TTLL5: variants seen among roughly 807,000 people sequenced by gnomAD.
TTLL5 encodes tubulin polyglutamylase TTLL5.
A neutral mutation model predicts 168.4 loss-of-function variants in TTLL5; 132 were observed. That is an observed-to-expected ratio of 0.78 (90% CI 0.68 to 0.91). The LOEUF (loss-of-function observed/expected upper bound fraction) is 0.91. TTLL5 is among the 40% of genes least tolerant of loss of function. TTLL5 has a pLI of 0.00. For synonymous variants in TTLL5, 546 were observed against 558.6 expected (o/e 0.98, Z 0.32); for missense variants, 1,545 against 1,581.5 (o/e 0.98, Z 0.39).
chr14:75,856,540 A>G (rs992147204), intron 28 of TTLL5, among the ~76,000 whole-genome samples: 1 of 152,076 alleles, frequency 6.6e-6, no homozygotes, highest in Non-Finnish European at 1.5e-5. Flanking sequence ...GTGTTTTATA[A>G]ATTCAGTGTA....
chr14:75,679,733 T>C (rs1461071237), intron 3 of TTLL5, among the ~76,000 whole-genome samples: 5 of 152,222 alleles, frequency 3.3e-5, no homozygotes, highest in Admixed American at 3.3e-4. Flanking sequence ...TTGCAAGATA[T>C]TCTAAGCCTA....
intron 6 of TTLL5, among the ~76,000 whole-genome samples, chr14:75,698,927 A>T (rs1886063390): frequency 6.6e-6 from 1 of 151,662 alleles, no homozygotes; most frequent in African/African-American, 2.4e-5. Flanking sequence ...AAAGAAAAGG[A>T]AAGAGGCGAA....
At chr14:75,734,952 C>A (rs1443679012) in intron 14 of TTLL5, among the ~76,000 whole-genome samples, 1 of 152,236 alleles carries the variant, frequency 6.6e-6, no homozygotes, top group African/African-American at 2.4e-5. Flanking sequence ...CTCAGAATCA[C>A]ATTTCAGCTA....
chr14:75,709,363 C>G (rs958641057), intron 9 of TTLL5: 2 of 592,528 alleles, frequency 3.4e-6, no homozygotes, highest in Non-Finnish European at 6.1e-6. Context: ...GCAGACTAAC[C>G]AAACCTCGCT....
In TTLL5 at chr14:75,683,634, C is replaced by G. The variant is rs140479826; in HGVS notation, c.349C>G (p.Gln117Glu). Reference sequence around the variant, plus strand: ...CTTACTGCGCACCCTCTCTGAAGCACAAAAAGTTAATCACTTTCCCAGGTA... The same window carrying G: ...CTTACTGCGCACCCTCTCTGAAGCAGAAAAAGTTAATCACTTTCCCAGGTA... ...PFLLRTLSEAQKVNHFPRSYE... is the reference protein window; with the variant it reads ...PFLLRTLSEAEKVNHFPRSYE... Residue 117 changes from glutamine (Q) to glutamate (E), a missense_variant, in exon 5 of 32, where the codon CAA becomes GAA. Gln to Glu is a conservative substitution (Grantham distance 29). Coordinates refer to ENST00000298832, the MANE Select transcript of TTLL5 (RefSeq NM_015072.5). 6.2e-7 allele frequency: 1 copy of G among 1,613,916 alleles called. No individual in the cohort carries two copies. The highest frequency in any genetic ancestry group is 8.5e-7 in the Non-Finnish European group (1 of 1,179,828).
intron 12 of TTLL5, among the ~76,000 whole-genome samples, chr14:75,725,083 C>G (rs1396013657): frequency 1.3e-5 from 2 of 152,190 alleles, no homozygotes; most frequent in East Asian, 1.9e-4. Flanking sequence ...TTGTTCTGAT[C>G]AGAGCCCAGT....
rs557748954 is a variant in TTLL5, at chr14:75,681,326, A to T, written c.182-219A>T. Among the ~76,000 whole-genome samples, 3 of 152,350 alleles carry T rather than the reference A, an allele frequency of 2.0e-5. No homozygotes were observed. The East Asian group carries it at 5.8e-4, about 29-fold the overall frequency. ...CATTGTTAAATTTCAACTAGAAACT[A>T]GTGAAAACCAAGGTGTAATTTTTCC... On this transcript the variant is annotated intron_variant, in intron 3 of 31. Coordinates refer to ENST00000298832, the MANE Select transcript of TTLL5 (RefSeq NM_015072.5).
At chr14:75,690,977 CT>C (rs1162545968) in intron 6 of TTLL5, among the ~76,000 whole-genome samples, 3 of 152,162 alleles carry the variant, frequency 2.0e-5, no homozygotes, top group Non-Finnish European at 2.9e-5. Flanking sequence ...TTCGGTATCC[CT>C]TTTTCGCTTG....
chr14:75,706,303 T>C (rs1392367775), intron 7 of TTLL5, among the ~76,000 whole-genome samples: 1 of 152,244 alleles, frequency 6.6e-6, no homozygotes, highest in Non-Finnish European at 1.5e-5. Flanking sequence ...TCTACCTAAA[T>C]ATTAAACTTT....
intron 5 of TTLL5, chr14:75,683,970 C>T (rs1594865630): frequency 7.6e-6 from 2 of 263,124 alleles, no homozygotes; most frequent in Non-Finnish European, 1.5e-5. Flanking sequence ...GACGAGGTTT[C>T]GCCATGTAGG....
chr14:75,827,266 C>T (rs894522720), intron 28 of TTLL5, among the ~76,000 whole-genome samples: 30 of 152,094 alleles, frequency 2.0e-4, no homozygotes, highest in Non-Finnish European at 3.5e-4. Context: ...CCGTAACTCA[C>T]GTACAATAAA....
At chr14:75,844,317 G>A (rs2139859810) in intron 28 of TTLL5, among the ~76,000 whole-genome samples, 1 of 152,288 alleles carries the variant, frequency 6.6e-6, no homozygotes, top group Admixed American at 6.5e-5. Context: ...GGTTTAGAAA[G>A]GTTATTGTTC....
At chr14:75,814,393 G>A (rs1894256031) in intron 27 of TTLL5, 1 of 152,176 alleles carries the variant, frequency 6.6e-6, no homozygotes, top group African/African-American at 2.4e-5. Flanking sequence ...GTTTTGTTAT[G>A]TTATTTGGAG....
chr14:75,890,191 G>A (rs533792986), intron 30 of TTLL5, among the ~76,000 whole-genome samples: 5 of 152,294 alleles, frequency 3.3e-5, no homozygotes, highest in African/African-American at 1.2e-4. Flanking sequence ...AAGATGCTGA[G>A]AGTCGTGAAT....
intron 5 of TTLL5, 134 bp from the exon 6 acceptor site, chr14:75,690,058 G>A: frequency 1.1e-6 from 1 of 880,804 alleles, no homozygotes; most frequent in South Asian, 1.9e-5. Context: ...TGGATTAACA[G>A]CGATATGTTT....
At chr14:75,934,415 TCTGA>T (rs1053946833) in intron 31 of TTLL5, among the ~76,000 whole-genome samples, 1 of 152,208 alleles carries the variant, frequency 6.6e-6, no homozygotes, top group Non-Finnish European at 1.5e-5. Flanking sequence ...ACATGAGCAC[TCTGA>T]CTAACTTAAT....
intron 30 of TTLL5, among the ~76,000 whole-genome samples, chr14:75,889,696 G>A (rs1226880218): frequency 1.3e-5 from 2 of 152,014 alleles, no homozygotes; most frequent in Non-Finnish European, 2.9e-5. Flanking sequence ...AGGCGTGGTG[G>A]CATGGCTCCT....
At chr14:75,719,653 C>A in intron 10 of TTLL5, 82 bp from the exon 11 acceptor site, 2 of 1,246,000 alleles carry the variant, frequency 1.6e-6, no homozygotes, top group South Asian at 1.8e-5. Context: ...TTTAAAAAGA[C>A]AAGAAGGCTA....
intron 31 of TTLL5, among the ~76,000 whole-genome samples, chr14:75,942,703 A>G (rs377488514): frequency 2.6e-5 from 4 of 152,198 alleles, no homozygotes; most frequent in African/African-American, 9.6e-5. Flanking sequence ...TGTTGATCAC[A>G]ATGTCTAAAA....
Sources: allele counts gnomAD v4.1 joint callset (sites outside exome capture counted in the v4.1 genomes callset), GRCh38; gene constraint gnomAD v4.1.1; transcripts MANE v1.5; gene names NCBI Gene and HGNC (gene_info 2026-07-23, HGNC 2026-07-21).